The following USP31 variants were observed in gnomAD, a reference collection of about 807,000 sequenced individuals.
USP31 encodes the protein ubiquitin specific peptidase 31, also known as ubiquitin carboxyl-terminal hydrolase 31.
USP31 carries 44 observed loss-of-function variants against 119.4 expected under a neutral mutation model. The observed-to-expected ratio is 0.37, with a 90% CI of 0.29 to 0.47. The LOEUF (loss-of-function observed/expected upper bound fraction) is 0.47. USP31 is among the 20% of genes least tolerant of loss of function. USP31 has a pLI of 0.99. For synonymous variants in USP31, 749 were observed against 705.6 expected (o/e 1.06, Z -0.97); for missense variants, 1,643 against 1,730.2 (o/e 0.95, Z 0.89).
At chr16:23,138,218 T>C (rs1903251416) in intron 1 of USP31, among the ~76,000 whole-genome samples, 1 of 152,214 alleles carries the variant, frequency 6.6e-6, no homozygotes, top group South Asian at 2.1e-4. Flanking sequence ...ATTGGAGTGT[T>C]ATAACAAATA....
rs375099238 is a variant in USP31 at position 23,068,824 on chromosome 16, TGGGCAG to T, written c.3275_3280del (p.Pro1092_Ala1093del). On this transcript the variant is annotated inframe_deletion, in exon 16 of 16. Coordinates refer to ENST00000219689, the MANE Select transcript of USP31 (RefSeq NM_020718.4). The stretch of plus-strand genomic sequence containing the variant: ...TTTCGGGGATGACTCCTTTTTGGGT[TGGGCAG>T]GGGCAGGGGATGAATGCCGTCCACT... 1.3e-4 allele frequency: 206 copies of T among 1,555,200 alleles called. No homozygotes were observed. The African/African-American group carries it at 2.3e-3, about 17-fold the overall frequency.
At chr16:23,106,520 T>C (rs1278039767) in intron 2 of USP31, 33 bp from the exon 3 acceptor site, 2 of 1,561,048 alleles carry the variant, frequency 1.3e-6, no homozygotes, top group Non-Finnish European at 1.7e-6. Flanking sequence ...CTTCACAGAC[T>C]AGAAAGACCA....
At chr16:23,120,318 A>T (rs1000760445) in intron 1 of USP31, among the ~76,000 whole-genome samples, 2 of 152,238 alleles carry the variant, frequency 1.3e-5, no homozygotes, top group Non-Finnish European at 2.9e-5. Context: ...CCTGTCATGA[A>T]ACATTACAAA....
chr16:23,072,474 A>C lies in USP31; in HGVS notation c.2336-277T>G. ...TACTTTATAATGTAAGTCTGAGTCT[A>C]AAGAATTGGCAAGAGAATGGAATAG... On this transcript the variant is annotated intron_variant, in intron 14 of 15. Transcript: ENST00000219689. The C allele has an allele frequency of 5.0e-6, 3 of 596,576 alleles. No homozygotes were observed. The South Asian group carries it at 6.0e-5, about 12-fold the overall frequency. The allele number at this position is 596,576 out of a possible 1,614,324, so 37.0% of individuals were successfully genotyped here.
chr16:23,102,245 T>C (rs943799807), intron 6 of USP31, 74 bp downstream of exon 6: 137 of 1,491,180 alleles, frequency 9.2e-5, no homozygotes, highest in Admixed American at 2.3e-4. Flanking sequence ...CATTATATAA[T>C]AGACAACTAA....
intron 1 of USP31, among the ~76,000 whole-genome samples, chr16:23,126,170 T>G (rs1393794230): frequency 6.6e-6 from 1 of 151,334 alleles, no homozygotes; most frequent in East Asian, 1.9e-4. Context: ...AAAAAAAGTT[T>G]TAATTAGCTG....
intron 1 of USP31, among the ~76,000 whole-genome samples, chr16:23,142,478 T>C (rs1404874547): frequency 6.6e-6 from 1 of 152,240 alleles, no homozygotes; most frequent in Non-Finnish European, 1.5e-5. Flanking sequence ...GTACGTGTTA[T>C]GTTGAGACCT....
chr16:23,134,134 A>G (rs1213269798), intron 1 of USP31, among the ~76,000 whole-genome samples: 1 of 151,718 alleles, frequency 6.6e-6, no homozygotes, highest in African/African-American at 2.4e-5. Context: ...AATCGAACAG[A>G]TTACTTTGTT....
intron 1 of USP31, among the ~76,000 whole-genome samples, chr16:23,141,837 C>T (rs1023044760): frequency 1.3e-5 from 2 of 152,140 alleles, no homozygotes; most frequent in Non-Finnish European, 2.9e-5. Context: ...ATGACTTGTA[C>T]AATATGTGGC....
At chr16:23,103,974 AGAG>A (rs1441791506) in intron 5 of USP31, among the ~76,000 whole-genome samples, 3 of 152,222 alleles carry the variant, frequency 2.0e-5, no homozygotes, top group African/African-American at 7.2e-5. Flanking sequence ...CAAAAGATGG[AGAG>A]GAGAACACTG....
At chr16:23,134,849 T>C (rs1233493905) in intron 1 of USP31, among the ~76,000 whole-genome samples, 1 of 151,298 alleles carries the variant, frequency 6.6e-6, no homozygotes, top group Non-Finnish European at 1.5e-5. Context: ...ATGAGGGAAA[T>C]ATTTTTATCA....
Position 23,108,139 on chromosome 16 carries a change from T to C in USP31, c.678A>G (p.Gln226=), listed in dbSNP as rs1902184508. Residue 226 remains glutamine (Q), a synonymous_variant, in exon 2 of 16, where the codon CAA becomes CAG. Transcript: ENST00000219689. The part of the protein sequence containing the change: ...KNALQYRGNS[Q]HDAQEFLLWL... The stretch of plus-strand genomic sequence containing the variant: ...ACAGCAGAAACTCCTGGGCATCATG[T>C]TGGGAATTTCCCCGGTACTGCAGTG... 1 of 1,614,026 alleles carries C rather than the reference T, an allele frequency of 6.2e-7. No individual in the cohort carries two copies. Among genetic ancestry groups the C allele is most frequent in the Non-Finnish European group, 8.5e-7 (1 of 1,179,942 alleles).
At chr16:23,143,128 A>G (rs1596740190) in intron 1 of USP31, among the ~76,000 whole-genome samples, 1 of 152,220 alleles carries the variant, frequency 6.6e-6, no homozygotes, top group Non-Finnish European at 1.5e-5. Flanking sequence ...ACAAGGCACC[A>G]AAGTTCAAGG....
At chr16:23,102,891 G>A (rs1303075935) in intron 5 of USP31, among the ~76,000 whole-genome samples, 2 of 152,120 alleles carry the variant, frequency 1.3e-5, no homozygotes, top group Non-Finnish European at 2.9e-5. Flanking sequence ...CAATTATTAT[G>A]TATCCATAAA....
chr16:23,075,720 C>G (rs1170457337), intron 13 of USP31, among the ~76,000 whole-genome samples: 1 of 152,120 alleles, frequency 6.6e-6, no homozygotes, highest in Non-Finnish European at 1.5e-5. Context: ...GTTCTAGAAT[C>G]CTTACACAAT....
At chr16:23,105,033 C>A (rs569630735) in intron 5 of USP31, among the ~76,000 whole-genome samples, 1 of 152,268 alleles carries the variant, frequency 6.6e-6, no homozygotes, top group African/African-American at 2.4e-5. Context: ...AGCAAGATAT[C>A]CACTCTTATC....
At chr16:23,108,950 C>T (rs117743988) in intron 1 of USP31, among the ~76,000 whole-genome samples, 343 of 152,244 alleles carry the variant, frequency 2.3e-3, no homozygotes, top group Middle Eastern at 6.8e-3. Context: ...GTCTAAGATA[C>T]TAACAGCCTA....
intron 1 of USP31, among the ~76,000 whole-genome samples, chr16:23,113,174 C>T (rs192383683): frequency 7.9e-5 from 12 of 152,240 alleles, no homozygotes; most frequent in Middle Eastern, 3.4e-3. Context: ...CCATTTCTGA[C>T]TTAGGTAGAT....
chr16:23,068,520 G>A lies in USP31; in HGVS notation c.3585C>T (p.His1195=), dbSNP rs1260055348. 19 of 1,613,720 alleles carry A rather than the reference G, an allele frequency of 1.2e-5. No homozygotes were observed. The highest frequency in any genetic ancestry group is 5.0e-5 in the Admixed American group (3 of 59,994). Residue 1195 remains histidine (H), a synonymous_variant, in exon 16 of 16, where the codon CAC becomes CAT. Transcript: ENST00000219689. ...GGCTGGCCATGGAGGAGCTCCGCAC[G>A]TGCTTCCCGGCCCCCCTGCCCTCCC... ...RAGEGRGAGK[H]VRSSSMASLR... is the part of the protein sequence containing the mutation.
Sources: gnomAD v4.1 joint callset for allele counts (sites outside exome capture counted in the v4.1 genomes callset) on GRCh38, gnomAD v4.1.1 for gene constraint, MANE v1.5 for transcripts, NCBI Gene and HGNC (gene_info 2026-07-23, HGNC 2026-07-21) for gene names.